BMAL2: variants seen among roughly 807,000 people sequenced by gnomAD.
BMAL2 encodes basic helix-loop-helix ARNT like 2, also known as basic helix-loop-helix ARNT-like protein 2.
At chr12:27,368,419 G>T in the BMAL2 span, 1 of 1,613,972 alleles carries the variant, frequency 6.2e-7, no homozygotes, top group South Asian at 1.1e-5. Context: ...CCCAGTAAGT[G>T]AATTTGGTCC....
the BMAL2 span, chr12:27,389,963 CA>C: frequency 9.6e-7 from 1 of 1,038,708 alleles, no homozygotes; most frequent in African/African-American, 1.6e-5. Context: ...GTTTACTGTA[CA>C]ATCATGCCAT....
At chr12:27,398,644 A>G in the BMAL2 span, among the ~76,000 whole-genome samples, 2 of 152,246 alleles carry the variant, frequency 1.3e-5, no homozygotes, top group Non-Finnish European at 2.9e-5. Context: ...TGCCAACTGA[A>G]TAAATGTTCA....
the BMAL2 span, among the ~76,000 whole-genome samples, chr12:27,380,872 G>T: frequency 2.0e-5 from 3 of 152,038 alleles, no homozygotes; most frequent in African/African-American, 7.2e-5. Flanking sequence ...TGTAGTCCCA[G>T]CTACCTGGGA....
chr12:27,344,881 G>A, the BMAL2 span, among the ~76,000 whole-genome samples: 2 of 152,162 alleles, frequency 1.3e-5, no homozygotes, highest in Non-Finnish European at 2.9e-5. Flanking sequence ...AAAGCATATG[G>A]TGCCTGGCGT....
At chr12:27,348,563 C>G in the BMAL2 span, among the ~76,000 whole-genome samples, 1 of 152,058 alleles carries the variant, frequency 6.6e-6, no homozygotes, top group African/African-American at 2.4e-5. Context: ...AAAACCACTC[C>G]TCACTTTAAG....
the BMAL2 span, chr12:27,333,044 G>A: frequency 8.4e-7 from 1 of 1,197,090 alleles, no homozygotes. Flanking sequence ...CAGCCGCGGG[G>A]CTGCGGAGCC....
the BMAL2 span, chr12:27,380,240 C>T: frequency 6.2e-7 from 1 of 1,613,700 alleles, no homozygotes; most frequent in African/African-American, 1.3e-5. Flanking sequence ...TTCCTTTTCC[C>T]TCTTAGAGAA....
the BMAL2 span, among the ~76,000 whole-genome samples, chr12:27,384,326 A>G: frequency 3.9e-5 from 6 of 152,156 alleles, no homozygotes; most frequent in South Asian, 1.2e-3. Flanking sequence ...CTTTCATTTT[A>G]ATATAACTCA....
the BMAL2 span, among the ~76,000 whole-genome samples, chr12:27,386,010 G>A: frequency 6.6e-6 from 1 of 152,118 alleles, no homozygotes; most frequent in Admixed American, 6.5e-5. Flanking sequence ...GTCTAGAGGG[G>A]AAACTGTGAT....
the BMAL2 span, among the ~76,000 whole-genome samples, chr12:27,392,389 T>A: frequency 1.3e-5 from 2 of 152,258 alleles, no homozygotes; most frequent in East Asian, 3.9e-4. Context: ...CAGGTGCCAT[T>A]ATTGTCACTG....
the BMAL2 span, among the ~76,000 whole-genome samples, chr12:27,381,285 A>ATTC: frequency 6.6e-6 from 1 of 152,214 alleles, no homozygotes; most frequent in Non-Finnish European, 1.5e-5. Flanking sequence ...GTACCTGTGT[A>ATTC]TTAGTCCATT....
chr12:27,384,795 T>C, the BMAL2 span, among the ~76,000 whole-genome samples: 3 of 152,214 alleles, frequency 2.0e-5, no homozygotes, highest in Non-Finnish European at 2.9e-5. Context: ...AAATATCTTA[T>C]TGTATTGTGC....
At chr12:27,386,015 T>A in the BMAL2 span, among the ~76,000 whole-genome samples, 2 of 152,296 alleles carry the variant, frequency 1.3e-5, no homozygotes, top group Non-Finnish European at 2.9e-5. Flanking sequence ...GAGGGGAAAC[T>A]GTGATCATGT....
chr12:27,385,427 G>A, the BMAL2 span: 2 of 1,128,562 alleles, frequency 1.8e-6, no homozygotes, highest in Non-Finnish European at 2.7e-6. Flanking sequence ...TGTTCATTAA[G>A]CATTTTGCCC....
At chr12:27,364,868 T>C in the BMAL2 span, among the ~76,000 whole-genome samples, 2 of 152,182 alleles carry the variant, frequency 1.3e-5, no homozygotes, top group Non-Finnish European at 2.9e-5. Flanking sequence ...TTAGATTTAT[T>C]CTTTAGATAC....
At chr12:27,365,820 C>T in the BMAL2 span, among the ~76,000 whole-genome samples, 1 of 151,252 alleles carries the variant, frequency 6.6e-6, no homozygotes, top group African/African-American at 2.4e-5. Flanking sequence ...TTTAAATCTA[C>T]ACTCTTATAT....
chr12:27,413,841 G>T, the BMAL2 span, among the ~76,000 whole-genome samples: 1 of 152,178 alleles, frequency 6.6e-6, no homozygotes, highest in African/African-American at 2.4e-5. Flanking sequence ...GAGAACAGGG[G>T]TGACCATACT....
chr12:27,395,263 T>C, the BMAL2 span, among the ~76,000 whole-genome samples: 1 of 152,208 alleles, frequency 6.6e-6, no homozygotes, highest in East Asian at 1.9e-4. Context: ...TTGTCTGGGC[T>C]CCTCCTCCTT....
the BMAL2 span, chr12:27,380,466 T>G: frequency 6.4e-7 from 1 of 1,571,630 alleles, no homozygotes; most frequent in Non-Finnish European, 8.7e-7. Flanking sequence ...CTGAGGTCTC[T>G]GATTGGTTCG....
Sources: gnomAD v4.1 joint callset for allele counts (sites outside exome capture counted in the v4.1 genomes callset) on GRCh38, gnomAD v4.1.1 for gene constraint, MANE v1.5 for transcripts, NCBI Gene and HGNC (gene_info 2026-07-23, HGNC 2026-07-21) for gene names.